Variants in ZBTB7C observed in about 807,000 individuals in gnomAD.
ZBTB7C encodes the protein zinc finger and BTB domain-containing protein 7C.
ZBTB7C carries 8 observed loss-of-function variants against 25.7 expected under a neutral mutation model. The ratio of observed to expected loss-of-function variants is 0.31; its 90% CI spans 0.18 to 0.56. The LOEUF is 0.56. ZBTB7C is among the 20% of genes least tolerant of loss of function. The pLI is 0.91. For synonymous variants in ZBTB7C, 394 were observed against 369.0 expected (o/e 1.07, Z -0.78); for missense variants, 824 against 855.2 (o/e 0.96, Z 0.46).
chr18:48,093,391 T>A lies in ZBTB7C; in HGVS notation c.-16-52268A>T, dbSNP rs149584749. On this transcript the variant is annotated intron_variant, in intron 3 of 4. Coordinates refer to ENST00000590800, the MANE Select transcript of ZBTB7C (RefSeq NM_001318841.2). ...AGAGCAGGGAAGATATCTGAGGGCA[T>A]CTGAGGGTAAGCAGGCTCAGGACTG... 1.3e-3 allele frequency among the ~76,000 whole-genome samples: 200 copies of A among 152,326 alleles called. 1 individual carries two copies. Among genetic ancestry groups the A allele is most frequent in the South Asian group, 0.01 (50 of 4,820 alleles).
At chr18:48,319,925 G>A (rs1275899609) in intron 2 of ZBTB7C, among the ~76,000 whole-genome samples, 1 of 152,122 alleles carries the variant, frequency 6.6e-6, no homozygotes, top group Non-Finnish European at 1.5e-5. Context: ...ACAGTTGCAG[G>A]CTAGAAACTG....
intron 2 of ZBTB7C, among the ~76,000 whole-genome samples, chr18:48,225,224 T>C (rs533062015): frequency 5.9e-4 from 90 of 151,858 alleles, no homozygotes; most frequent in African/African-American, 1.7e-3. Flanking sequence ...CCTGACATTA[T>C]TGGAGTTTTA....
chr18:48,058,445 C>G (rs1360376133), intron 3 of ZBTB7C, among the ~76,000 whole-genome samples: 1 of 152,212 alleles, frequency 6.6e-6, no homozygotes, highest in African/African-American at 2.4e-5. Context: ...AAGCTGGTCT[C>G]TAAACTGCCT....
intron 1 of ZBTB7C, among the ~76,000 whole-genome samples, chr18:48,406,146 G>A (rs368424641): frequency 7.2e-5 from 11 of 152,036 alleles, no homozygotes; most frequent in Non-Finnish European, 1.5e-4. Flanking sequence ...CCACACCCCC[G>A]CCCCAGCCTC....
At chr18:48,032,221 C>G (rs2035783092) in intron 4 of ZBTB7C, among the ~76,000 whole-genome samples, 1 of 151,944 alleles carries the variant, frequency 6.6e-6, no homozygotes. Flanking sequence ...TCAAGTGATT[C>G]TCCTGCCTCA....
rs1431035579 is a variant in ZBTB7C, at chr18:48,341,816, T to C, written c.-303-3418A>G. On this transcript the variant is annotated intron_variant, in intron 1 of 4. Transcript: ENST00000590800. ...TCAATGCTGAAAGAGCCCTCAGAGATGGTGACATCCAGGGCCACATTTTAC... is the reference window on the plus strand; with the variant it reads ...TCAATGCTGAAAGAGCCCTCAGAGACGGTGACATCCAGGGCCACATTTTAC... Among the ~76,000 whole-genome samples, 2 of 152,150 alleles carry C rather than the reference T, an allele frequency of 1.3e-5. 1 individual carries two copies. Among genetic ancestry groups the C allele is most frequent in the Non-Finnish European group, 2.9e-5 (2 of 68,022 alleles).
At chr18:48,306,678 C>T (rs562384137) in intron 2 of ZBTB7C, among the ~76,000 whole-genome samples, 17 of 152,186 alleles carry the variant, frequency 1.1e-4, no homozygotes, top group Non-Finnish European at 2.2e-4. Flanking sequence ...GTCCTCTCCT[C>T]TTCTCCTACA....
chr18:48,277,924 T>C (rs1461317745), intron 2 of ZBTB7C, among the ~76,000 whole-genome samples: 2 of 151,206 alleles, frequency 1.3e-5, no homozygotes, highest in Non-Finnish European at 2.9e-5. Flanking sequence ...GGAGGAGGGA[T>C]TGGAGTGGGA....
At chr18:48,274,315 C>T (rs1249522503) in intron 2 of ZBTB7C, among the ~76,000 whole-genome samples, 1 of 152,164 alleles carries the variant, frequency 6.6e-6, no homozygotes, top group African/African-American at 2.4e-5. Context: ...ATATTTTGAA[C>T]TTGAATCTTG....
intron 3 of ZBTB7C, among the ~76,000 whole-genome samples, chr18:48,181,282 CT>C (rs1168698609): frequency 6.6e-6 from 1 of 152,196 alleles, no homozygotes; most frequent in African/African-American, 2.4e-5. Context: ...CTCTCTAAGG[CT>C]AAGGAAACCT....
At chr18:48,089,931 G>T (rs1006945368) in intron 3 of ZBTB7C, among the ~76,000 whole-genome samples, 5 of 152,226 alleles carry the variant, frequency 3.3e-5, no homozygotes, top group Non-Finnish European at 5.9e-5. Flanking sequence ...GCCCTTCATA[G>T]CGTTCCTCTC....
intron 2 of ZBTB7C, among the ~76,000 whole-genome samples, chr18:48,207,259 C>T (rs2042596498): frequency 1.3e-5 from 2 of 152,150 alleles, no homozygotes; most frequent in South Asian, 4.1e-4. Flanking sequence ...TAAGCAATAT[C>T]TCTTAGAGCT....
At chr18:48,397,015 T>C (rs570383623) in intron 1 of ZBTB7C, among the ~76,000 whole-genome samples, 2 of 152,330 alleles carry the variant, frequency 1.3e-5, no homozygotes, top group South Asian at 2.1e-4. Context: ...AGCAATTTCC[T>C]AAAATGCCCT....
chr18:48,234,721 C>T (rs945996286), intron 2 of ZBTB7C, among the ~76,000 whole-genome samples: 10 of 152,128 alleles, frequency 6.6e-5, no homozygotes, highest in African/African-American at 2.4e-4. Flanking sequence ...TCTTCATTGC[C>T]TTTTTCAAAT....
intron 2 of ZBTB7C, among the ~76,000 whole-genome samples, chr18:48,265,002 T>C (rs2044270189): frequency 6.6e-6 from 1 of 152,112 alleles, no homozygotes; most frequent in Non-Finnish European, 1.5e-5. Context: ...TGAGAGACAA[T>C]GGGTGGAGAT....
At chr18:48,190,216 C>T (rs1001109450) in intron 2 of ZBTB7C, among the ~76,000 whole-genome samples, 13 of 152,198 alleles carry the variant, frequency 8.5e-5, no homozygotes, top group Non-Finnish European at 1.8e-4. Flanking sequence ...CCAGGATTAT[C>T]AGGAGCAAGA....
intron 3 of ZBTB7C, among the ~76,000 whole-genome samples, chr18:48,062,979 T>C (rs900937812): frequency 3.9e-4 from 60 of 152,342 alleles, no homozygotes; most frequent in Non-Finnish European, 4.3e-4. Context: ...ATGGAGGCCC[T>C]GGCATCAGTG....
At chr18:48,101,389 C>T (rs2038825897) in intron 3 of ZBTB7C, among the ~76,000 whole-genome samples, 1 of 152,184 alleles carries the variant, frequency 6.6e-6, no homozygotes, top group Admixed American at 6.5e-5. Flanking sequence ...ATTTAAACAA[C>T]CTATATGTTT....
chr18:48,273,023 A>G (rs12454996), intron 2 of ZBTB7C, among the ~76,000 whole-genome samples: 32,345 of 152,178 alleles, frequency 0.21, 3,882 homozygotes, highest in Admixed American at 0.34. Context: ...ACTGACTGTT[A>G]ATGGGTGTAG....
Sources: gnomAD v4.1 joint callset for allele counts (sites outside exome capture counted in the v4.1 genomes callset) on GRCh38, gnomAD v4.1.1 for gene constraint, MANE v1.5 for transcripts, NCBI Gene and HGNC (gene_info 2026-07-23, HGNC 2026-07-21) for gene names.